The following PAPSS1 variants were observed in gnomAD, a reference collection of about 807,000 sequenced individuals.
PAPSS1 encodes 3'-phosphoadenosine 5'-phosphosulfate synthase 1, also known as bifunctional 3'-phosphoadenosine 5'-phosphosulfate synthase 1.
Under a neutral mutation model 72.0 loss-of-function variants are expected in PAPSS1, and 50 were observed. The ratio of observed to expected loss-of-function variants is 0.69; its 90% confidence interval spans 0.55 to 0.88. The LOEUF is 0.88. Among genes scored for constraint, PAPSS1 ranks in the 40% least tolerant of loss-of-function variants. The pLI is 0.00. For synonymous variants in PAPSS1, 261 were observed against 263.6 expected (o/e 0.99, Z 0.09); for missense variants, 657 against 782.2 (o/e 0.84, Z 1.91).
chr4:107,643,201 C>T (rs939392235), intron 10 of PAPSS1, among the ~76,000 whole-genome samples: 1 of 152,194 alleles, frequency 6.6e-6, no homozygotes, highest in African/African-American at 2.4e-5. Context: ...TACAGAAATA[C>T]TAAAAACCAG....
intron 4 of PAPSS1, 26 bp from the exon 5 acceptor site, chr4:107,682,159 T>A: frequency 9.0e-7 from 1 of 1,113,410 alleles, no homozygotes; most frequent in Non-Finnish European, 1.3e-6. Flanking sequence ...GATAATAGAG[T>A]AGGGTGGAAA....
intron 1 of PAPSS1, among the ~76,000 whole-genome samples, chr4:107,715,597 G>A (rs1002178948): frequency 6.6e-6 from 1 of 152,228 alleles, no homozygotes; most frequent in Admixed American, 6.5e-5. Context: ...GTTTGGGAAA[G>A]ATAGAATTGG....
Position 107,672,103 on chromosome 4 carries a change from A to G in PAPSS1, c.669+9912T>C, listed in dbSNP as rs150721667. On this transcript the variant is annotated intron_variant, in intron 5 of 11. Transcript: ENST00000265174. ...GAGGTGGGTGGTGCCAAGATGGCCG[A>G]ATAGGAACAGCTCCAGTCTACAGCT... Among the ~76,000 whole-genome samples, 320 of 152,362 alleles carry G rather than the reference A, an allele frequency of 2.1e-3. 3 individuals are homozygous for G. Among genetic ancestry groups the G allele is most frequent in the African/African-American group, 7.3e-3 (303 of 41,586 alleles).
intron 5 of PAPSS1, among the ~76,000 whole-genome samples, chr4:107,664,582 G>A (rs1727266948): frequency 6.6e-6 from 1 of 152,000 alleles, no homozygotes; most frequent in Non-Finnish European, 1.5e-5. Context: ...CTGAAGAGAT[G>A]GTCCAAATAA....
At chr4:107,685,826 C>T (rs992975995) in intron 4 of PAPSS1, among the ~76,000 whole-genome samples, 3 of 152,258 alleles carry the variant, frequency 2.0e-5, no homozygotes, top group Non-Finnish European at 2.9e-5. Context: ...GTTTTCAGGG[C>T]CAGAAACTGA....
intron 5 of PAPSS1, among the ~76,000 whole-genome samples, chr4:107,667,549 G>T (rs537984423): frequency 6.6e-6 from 1 of 152,204 alleles, no homozygotes; most frequent in Admixed American, 6.5e-5. Context: ...ACTCCACATA[G>T]CTAGGGTCAA....
chr4:107,651,618 G>C (rs1726841592), intron 9 of PAPSS1, among the ~76,000 whole-genome samples: 2 of 152,100 alleles, frequency 1.3e-5, no homozygotes, highest in Admixed American at 1.3e-4. Context: ...CCAAGCAAAA[G>C]GGGAAGCCCC....
At position 107,659,966 on chromosome 4, in the gene PAPSS1, AT is replaced by A; in HGVS notation, c.775del (p.Ile259LeufsTer20). The A allele has an allele frequency of 6.4e-7, 1 of 1,565,324 alleles. No individual in the cohort carries two copies. The highest frequency in any genetic ancestry group is 8.8e-7 in the Non-Finnish European group (1 of 1,138,132). On this transcript the variant is annotated frameshift_variant, in exon 6 of 12. Transcript: ENST00000265174. LOFTEE classifies it high-confidence loss of function. ...AAGCAACGAAGAACTTACTTTATTA[AT>A]TTTCAGTGCTGGTAATGTTTCCGCA... ...TDAETLPALK[I>X]NKVDMQWVQV...
chr4:107,655,362 T>G (rs889939928), intron 7 of PAPSS1, among the ~76,000 whole-genome samples: 1 of 152,180 alleles, frequency 6.6e-6, no homozygotes, highest in Non-Finnish European at 1.5e-5. Flanking sequence ...ATGTGGCAAG[T>G]TGATTAAGTA....
At chr4:107,714,815 A>C (rs1723593147) in intron 1 of PAPSS1, among the ~76,000 whole-genome samples, 1 of 152,150 alleles carries the variant, frequency 6.6e-6, no homozygotes, top group African/African-American at 2.4e-5. Context: ...CTCAAAATTC[A>C]ATGTAACACA....
Position 107,695,449 on chromosome 4 carries a change from G to A in PAPSS1, c.176-1443C>T, listed in dbSNP as rs1321733715. ...TGTTATCTGCAAACAGGGACAATTT[G>A]ACTTCCTTTCTTTCTATTTGAACAC... On this transcript the variant is annotated intron_variant, in intron 2 of 11. Transcript: ENST00000265174. Among the ~76,000 whole-genome samples, 5 of 152,278 alleles carry A rather than the reference G, an allele frequency of 3.3e-5. No homozygotes were observed. The East Asian group carries it at 9.7e-4, about 29-fold the overall frequency.
At chr4:107,697,855 G>A (rs566001251) in intron 2 of PAPSS1, among the ~76,000 whole-genome samples, 4 of 152,166 alleles carry the variant, frequency 2.6e-5, no homozygotes, top group Non-Finnish European at 5.9e-5. Flanking sequence ...TTAAGAGGAG[G>A]TCATACTGGA....
At position 107,614,232 on chromosome 4, in the gene PAPSS1, G is replaced by A; in HGVS notation, c.*17C>T. 1 of 1,609,858 alleles carries A rather than the reference G, an allele frequency of 6.2e-7. No homozygotes were observed. Among genetic ancestry groups the A allele is most frequent in the Non-Finnish European group, 8.5e-7 (1 of 1,177,678 alleles). On this transcript the variant is annotated 3_prime_UTR_variant, in exon 12 of 12. Transcript: ENST00000265174. Reference sequence around the variant, plus strand: ...TTACTAGTAATGTGTCAAAGGTGGAGTGACTGGGTTAACAGCCTAAGCTTT... The same window carrying A: ...TTACTAGTAATGTGTCAAAGGTGGAATGACTGGGTTAACAGCCTAAGCTTT...
At chr4:107,617,425 G>A (rs74773387) in intron 11 of PAPSS1, among the ~76,000 whole-genome samples, 1 of 152,006 alleles carries the variant, frequency 6.6e-6, no homozygotes, top group Non-Finnish European at 1.5e-5. Context: ...TTTGAAACAT[G>A]TCTAAGAGTT....
At chr4:107,682,578 TAGTA>T (rs1166723635) in intron 4 of PAPSS1, among the ~76,000 whole-genome samples, 1 of 152,212 alleles carries the variant, frequency 6.6e-6, no homozygotes, top group East Asian at 1.9e-4. Flanking sequence ...AATCCACAAA[TAGTA>T]AGAATCAATT....
intron 9 of PAPSS1, among the ~76,000 whole-genome samples, chr4:107,647,518 G>A (rs1296460133): frequency 6.6e-6 from 1 of 152,096 alleles, no homozygotes; most frequent in African/African-American, 2.4e-5. Flanking sequence ...TCTAACTGTG[G>A]CACCAACCTT....
At chr4:107,708,978 T>C (rs1340463448) in intron 1 of PAPSS1, among the ~76,000 whole-genome samples, 1 of 152,222 alleles carries the variant, frequency 6.6e-6, no homozygotes, top group African/African-American at 2.4e-5. Flanking sequence ...TGCTGAGCTA[T>C]AACCAATCCA....
chr4:107,613,856 A>G lies in PAPSS1; in HGVS notation c.*393T>C, dbSNP rs1486268358. The stretch of plus-strand genomic sequence containing the variant: ...AAAGGTCTTGTAAAATCCTCAAAAC[A>G]AGGTCTAGCCAAGTTTATTGTTTGG... On this transcript the variant is annotated 3_prime_UTR_variant, in exon 12 of 12. Coordinates refer to ENST00000265174, the MANE Select transcript of PAPSS1 (RefSeq NM_005443.5). The G allele has an allele frequency of 2.0e-5, 3 of 153,604 alleles. No homozygotes were observed. The highest frequency in any genetic ancestry group is 4.3e-5 in the Non-Finnish European group (3 of 69,088). The allele number at this position is 153,604 out of a possible 1,614,324, so 9.5% of individuals were successfully genotyped here. A position where few individuals can be genotyped will look rare whatever the true frequency, so the allele number is the denominator to read the frequency against.
At chr4:107,683,320 T>C (rs1211986436) in intron 4 of PAPSS1, among the ~76,000 whole-genome samples, 1 of 151,808 alleles carries the variant, frequency 6.6e-6, no homozygotes, top group African/African-American at 2.4e-5. Flanking sequence ...ATTTCTGCGT[T>C]ACCGGTATTC....
Sources: gnomAD v4.1 joint callset for allele counts (sites outside exome capture counted in the v4.1 genomes callset) on GRCh38, gnomAD v4.1.1 for gene constraint, MANE v1.5 for transcripts, NCBI Gene and HGNC (gene_info 2026-07-23, HGNC 2026-07-21) for gene names.